Variants in HMCN2 observed in about 807,000 individuals in gnomAD.
The protein encoded by HMCN2 is hemicentin-2.
In HMCN2, 325 loss-of-function variants were observed where a neutral mutation model predicts 377.5. The ratio of observed to expected loss-of-function variants is 0.86; its 90% CI spans 0.79 to 0.94. HMCN2 has a LOEUF of 0.94. HMCN2 is among the 40% of genes least tolerant of loss of function. The probability of loss-of-function intolerance (pLI) is 0.00; values close to 1 mark genes in which losing one functional copy is unlikely to be tolerated. For synonymous variants in HMCN2, 2,007 were observed against 2,046.8 expected, an observed-to-expected ratio of 0.98 and a Z score of 0.53; for missense variants, 4,543 against 4,725.3, an observed-to-expected ratio of 0.96 and a Z score of 1.13.
At chr9:130,375,511 T>C in intron 49 of HMCN2, 52 bp from the exon 50 acceptor site, 1 of 964,150 alleles carries the variant, frequency 1.0e-6, no homozygotes, top group Non-Finnish European at 1.2e-6. Flanking sequence ...TGGTCCTTAG[T>C]CTAGGGTCAG....
intron 41 of HMCN2, 134 bp from the exon 42 acceptor site, chr9:130,365,497 C>T: frequency 4.5e-6 from 1 of 224,452 alleles, no homozygotes; most frequent in Non-Finnish European, 7.5e-6. Flanking sequence ...GAGATGCTGT[C>T]ACTGCCCCGT....
chr9:130,433,291 G>C (rs964774662), intron 97 of HMCN2, 57 bp from the exon 98 acceptor site: 2 of 1,337,546 alleles, frequency 1.5e-6, no homozygotes, highest in Non-Finnish European at 9.7e-7. Context: ...ACGCGGATGG[G>C]CCACGCTCCG....
rs1838697992 is a variant in HMCN2 at position 130,335,508 on chromosome 9, T to C, written c.3360-2386T>C. On this transcript the variant is annotated intron_variant, in intron 22 of 97. Coordinates refer to ENST00000683500, the MANE Select transcript of HMCN2 (RefSeq NM_001291815.2). ...AAACTGTTCAGGGCTGCCCAGCTGATTGAAGACTGCGGAGAGGTCCCAGAC... is the reference window on the plus strand; with the variant it reads ...AAACTGTTCAGGGCTGCCCAGCTGACTGAAGACTGCGGAGAGGTCCCAGAC... Among the ~76,000 whole-genome samples the C allele has an allele frequency of 3.9e-5, 6 of 152,270 alleles. No individual in the cohort carries two copies. In the South Asian group the frequency reaches 1.2e-3, roughly 32 times the overall value.
At position 130,308,621 on chromosome 9, in the gene HMCN2, T is replaced by G. The variant is rs1485500557; in HGVS notation, c.2200+1055T>G. On this transcript the variant is annotated intron_variant, in intron 14 of 97. Transcript: ENST00000683500. The surrounding 1 kb of genome is among the most constrained non-coding windows in gnomAD (Gnocchi z 4.1). ...GTGATATTAGCTCAGAGTTGAGCGT[T>G]TTTTTTAGGGTCACCAGCAAGTGGG... Among the ~76,000 whole-genome samples, 1 of 152,142 alleles carries G rather than the reference T, an allele frequency of 6.6e-6. No homozygotes were observed. The highest frequency in any genetic ancestry group is 1.5e-5 in the Non-Finnish European group (1 of 68,030).
At position 130,394,480 on chromosome 9, in the gene HMCN2, C is replaced by G; in HGVS notation, c.10597C>G (p.Gln3533Glu). The G allele has an allele frequency of 7.8e-7, 1 of 1,289,832 alleles. No individual in the cohort carries two copies. The highest frequency in any genetic ancestry group is 1.2e-5 in the South Asian group (1 of 81,022). The allele number at this position is 1,289,832 out of a possible 1,614,324, so 79.9% of individuals were successfully genotyped here. Reference sequence around the variant, plus strand: ...CCTCTGTGATGCCCAGGGCACCCCCCAGCCCAACATCACCTGGCATAAGGA... The same window carrying G: ...CCTCTGTGATGCCCAGGGCACCCCCGAGCCCAACATCACCTGGCATAAGGA... ...ELLCDAQGTP[Q>E]PNITWHKDGQ... The change falls in exon 69 of 98, where the codon CAG becomes GAG. Residue 3533 changes from glutamine to glutamate, a missense_variant. Coordinates refer to ENST00000683500, the MANE Select transcript of HMCN2 (RefSeq NM_001291815.2). This position sits in a 1 kb window ranked among gnomAD's most constrained non-coding sequence, Gnocchi z 5.1.
intron 54 of HMCN2, among the ~76,000 whole-genome samples, chr9:130,380,077 T>C (rs1196108234): frequency 6.6e-6 from 1 of 152,198 alleles, no homozygotes; most frequent in African/African-American, 2.4e-5. Context: ...GGTTTTTCCA[T>C]GTTGGCCAGC....
intron 85 of HMCN2, among the ~76,000 whole-genome samples, chr9:130,412,135 C>T (rs568175090): frequency 2.0e-5 from 3 of 152,280 alleles, no homozygotes; most frequent in African/African-American, 7.2e-5. Context: ...CCACACCCGG[C>T]TAATTTTTGT....
At chr9:130,289,668 C>A (rs1835633122) in intron 4 of HMCN2, among the ~76,000 whole-genome samples, 1 of 152,024 alleles carries the variant, frequency 6.6e-6, no homozygotes, top group African/African-American at 2.4e-5. Context: ...GCCATCCCAC[C>A]CCCCCGTGCT....
At chr9:130,333,721 C>A (rs1838557740) in intron 22 of HMCN2, among the ~76,000 whole-genome samples, 1 of 152,176 alleles carries the variant, frequency 6.6e-6, no homozygotes, top group African/African-American at 2.4e-5. Flanking sequence ...CCCAAACCTC[C>A]CACTGAGCTT....
At chr9:130,375,538 C>G (rs1470108872) in intron 49 of HMCN2, 25 bp from the exon 50 acceptor site, 1 of 985,432 alleles carries the variant, frequency 1.0e-6, no homozygotes, top group Non-Finnish European at 1.2e-6. Context: ...CTGCTCATAA[C>G]TGCCTCCCTG....
rs578158712 is a variant in HMCN2, at chr9:130,416,107, T to A, written c.12962-2665T>A. On this transcript the variant is annotated intron_variant, in intron 85 of 97. Transcript: ENST00000683500. Reference sequence around the variant, plus strand: ...CAAAGTTCTAGAGGCTTTATTTTTTTTTTTTTTTTTTTTTGGAGACAGAGT... The same window carrying A: ...CAAAGTTCTAGAGGCTTTATTTTTTATTTTTTTTTTTTTTGGAGACAGAGT... Among the ~76,000 whole-genome samples, 163 of 146,996 alleles carry A rather than the reference T, an allele frequency of 1.1e-3. 2 individuals are homozygous for A. The highest frequency in any genetic ancestry group is 4.4e-3 in the East Asian group (22 of 4,950).
rs368679388 is a variant in HMCN2 at position 130,427,130 on chromosome 9, G to A, written c.13880-183G>A. Among the ~76,000 whole-genome samples the A allele has an allele frequency of 3.9e-5, 6 of 152,200 alleles. No individual in the cohort carries two copies. The East Asian group carries it at 7.7e-4, about 20-fold the overall frequency. On this transcript the variant is annotated intron_variant, in intron 90 of 97. Coordinates refer to ENST00000683500, the MANE Select transcript of HMCN2 (RefSeq NM_001291815.2). ...TCAGGACACATTTCCTTGACTGGGC[G>A]TGCCCTGCAGTCATCGCCTCCAACA... is the stretch of plus-strand genomic sequence containing the variant.
At chr9:130,399,112 G>A (rs1221839702) in intron 75 of HMCN2, among the ~76,000 whole-genome samples, 2 of 151,960 alleles carry the variant, frequency 1.3e-5, no homozygotes, top group Non-Finnish European at 2.9e-5. Context: ...AATTAGTAGA[G>A]TATGGTGGTG....
intron 41 of HMCN2, among the ~76,000 whole-genome samples, chr9:130,365,162 A>G (rs916437487): frequency 3.3e-5 from 5 of 151,972 alleles, no homozygotes; most frequent in Non-Finnish European, 7.4e-5. Context: ...GAGCACTGCC[A>G]TTTGGTTTCC....
intron 80 of HMCN2, among the ~76,000 whole-genome samples, chr9:130,404,236 T>A (rs1842982416): frequency 6.6e-6 from 1 of 152,178 alleles, no homozygotes; most frequent in East Asian, 1.9e-4. Context: ...ATCTGCAAAG[T>A]CTGCTGGGAA....
At chr9:130,350,559 A>G (rs1293674183) in intron 29 of HMCN2, among the ~76,000 whole-genome samples, 3 of 147,792 alleles carry the variant, frequency 2.0e-5, no homozygotes, top group Non-Finnish European at 4.5e-5. Context: ...TCCGTCCAAA[A>G]AAAAGTCCAC....
intron 15 of HMCN2, among the ~76,000 whole-genome samples, chr9:130,316,160 A>G (rs1002592718): frequency 5.8e-4 from 89 of 152,278 alleles, no homozygotes; most frequent in African/African-American, 2.1e-3. Context: ...TGAGAAGTGG[A>G]TGGAATGAGG....
chr9:130,316,843 G>A (rs1837587635), intron 15 of HMCN2, among the ~76,000 whole-genome samples: 1 of 152,200 alleles, frequency 6.6e-6, no homozygotes, highest in African/African-American at 2.4e-5. Context: ...GCACTGGGCT[G>A]GGAATCCGGC....
chr9:130,285,148 T>A lies in HMCN2; in HGVS notation c.331-10T>A, dbSNP rs1554927163. 2.1e-6 allele frequency: 1 copy of A among 470,804 alleles called. No individual in the cohort carries two copies. The highest frequency in any genetic ancestry group is 2.4e-5 in the Admixed American group (1 of 42,552). 29.2% of individuals were successfully genotyped at this position (470,804 alleles called of 1,614,324 possible). A position where few individuals can be genotyped will look rare whatever the true frequency, so the allele number is the denominator to read the frequency against. On this transcript the variant is annotated splice_polypyrimidine_tract_variant and intron_variant, in intron 2 of 97. Transcript: ENST00000683500. ...CAGGTGGCAGCTGCTGACATGCTTC[T>A]GCCCTCCAGGGAGGTGGTGACTGCC...
Sources: gnomAD v4.1 joint callset for allele counts (sites outside exome capture counted in the v4.1 genomes callset) on GRCh38, gnomAD v4.1.1 for gene constraint, Gnocchi (gnomAD v3.1) non-coding constraint, MANE v1.5 for transcripts, NCBI Gene and HGNC (gene_info 2026-07-23, HGNC 2026-07-21) for gene names.